The following ATP13A4 variants were observed in gnomAD, a reference collection of about 807,000 sequenced individuals.
ATP13A4 encodes the protein ATPase 13A4.
ATP13A4 carries 114 observed loss-of-function variants against 142.5 expected under a neutral mutation model. That is an observed-to-expected ratio of 0.80 (90% CI 0.69 to 0.93). The LOEUF is 0.93. ATP13A4 is among the 40% of genes least tolerant of loss of function. The pLI, the probability that ATP13A4 is intolerant of heterozygous loss-of-function variation, is 0.00. For synonymous variants in ATP13A4, 488 were observed against 514.8 expected, an observed-to-expected ratio of 0.95 and a Z score of 0.70; for missense variants, 1,392 against 1,454.0, an observed-to-expected ratio of 0.96 and a Z score of 0.69.
rs1387780760 is a variant in ATP13A4 at position 193,532,957 on chromosome 3, G to GA, written c.61-18087dup. Among the ~76,000 whole-genome samples, 10 of 151,856 alleles carry GA rather than the reference G, an allele frequency of 6.6e-5. No individual in the cohort carries two copies. In the South Asian group the frequency reaches 2.1e-3, roughly 32 times the overall value. On this transcript the variant is annotated intron_variant, in intron 1 of 29. Transcript: ENST00000342695. ...TTTATAGTTTGAGTCCAATAATGTA[G>GA]AAAAAAAGTGTGTAAGAAAAAACTT...
At position 193,454,241 on chromosome 3, in the gene ATP13A4, C is replaced by G. The variant is rs776556681; in HGVS notation, c.1916-29G>C. On this transcript the variant is annotated intron_variant, in intron 16 of 29. Transcript: ENST00000342695. ...TTTAGAAAGAAACACAGGGTTAGTA[C>G]GCAGTTATTTGCTTAGGCAGTACTG... 67 of 1,538,598 alleles carry G rather than the reference C, an allele frequency of 4.4e-5. No individual in the cohort carries two copies. In the Admixed American group the frequency reaches 1.1e-3, roughly 26 times the overall value.
chr3:193,467,777 G>A (rs1393767776), intron 9 of ATP13A4, among the ~76,000 whole-genome samples: 1 of 152,062 alleles, frequency 6.6e-6, no homozygotes, highest in Non-Finnish European at 1.5e-5. Context: ...ACTATTTAGG[G>A]AACCACAGGC....
At chr3:193,520,993 T>C (rs1577046639) in intron 1 of ATP13A4, among the ~76,000 whole-genome samples, 1 of 152,196 alleles carries the variant, frequency 6.6e-6, no homozygotes, top group Non-Finnish European at 1.5e-5. Context: ...ATGATTGCTA[T>C]GGGAAACAAT....
intron 1 of ATP13A4, among the ~76,000 whole-genome samples, chr3:193,586,663 A>G (rs1186242302): frequency 6.6e-6 from 1 of 152,242 alleles, no homozygotes; most frequent in African/African-American, 2.4e-5. Context: ...TCAAAAGCCA[A>G]TTGACTGCAG....
intron 2 of ATP13A4, among the ~76,000 whole-genome samples, chr3:193,563,866 C>G (rs893792876): frequency 6.6e-6 from 1 of 152,124 alleles, no homozygotes; most frequent in African/African-American, 2.4e-5. Flanking sequence ...CTCTGGCAAC[C>G]TCACTGTCTA....
intron 1 of ATP13A4, among the ~76,000 whole-genome samples, chr3:193,587,714 C>T (rs1444774543): frequency 6.6e-6 from 1 of 152,162 alleles, no homozygotes; most frequent in Non-Finnish European, 1.5e-5. Context: ...GTCACATCAG[C>T]TGAAAATGTT....
intron 23 of ATP13A4, 133 bp from the exon 24 acceptor site, chr3:193,435,877 C>A: frequency 1.3e-6 from 1 of 788,604 alleles, no homozygotes. Flanking sequence ...TGAAAATGGA[C>A]AGCCCTGAGC....
chr3:193,496,440 T>G (rs951886589), intron 3 of ATP13A4, among the ~76,000 whole-genome samples: 2 of 152,166 alleles, frequency 1.3e-5, no homozygotes, highest in African/African-American at 4.8e-5. Context: ...CAACTAGTTT[T>G]CAACAAAGGC....
At chr3:193,492,099 A>G (rs1719976317) in intron 5 of ATP13A4, among the ~76,000 whole-genome samples, 1 of 152,196 alleles carries the variant, frequency 6.6e-6, no homozygotes, top group South Asian at 2.1e-4. Context: ...TTTAATGTTT[A>G]TATAGATCAT....
chr3:193,562,059 T>C (rs1196940935), intron 2 of ATP13A4, among the ~76,000 whole-genome samples: 1 of 152,148 alleles, frequency 6.6e-6, no homozygotes, highest in Non-Finnish European at 1.5e-5. Context: ...TGTTTGTTCA[T>C]ATCTCATTGA....
Position 193,448,341 on chromosome 3 carries a change from A to G in ATP13A4, c.2028-11T>C, listed in dbSNP as rs775531408. Reference sequence around the variant, plus strand: ...GATTCTACCGTCTCCCTGAAAATACATATATAGATGTATTGAACAGAAATA... The same window carrying G: ...GATTCTACCGTCTCCCTGAAAATACGTATATAGATGTATTGAACAGAAATA... On this transcript the variant is annotated splice_polypyrimidine_tract_variant and intron_variant, in intron 17 of 29. Transcript: ENST00000342695. 2 of 1,613,510 alleles carry G rather than the reference A, an allele frequency of 1.2e-6. No homozygotes were observed. Among genetic ancestry groups the G allele is most frequent in the Non-Finnish European group, 1.7e-6 (2 of 1,179,920 alleles).
At chr3:193,514,675 G>A (rs902612675) in intron 2 of ATP13A4, 23 bp downstream of exon 2, 13 of 1,593,882 alleles carry the variant, frequency 8.2e-6, no homozygotes, top group Middle Eastern at 1.7e-4. Flanking sequence ...GGGCACCAGC[G>A]ACATAACCAG....
rs1553843865 is a variant in ATP13A4 at position 193,456,998 on chromosome 3, A to T, written c.1915+2T>A. 13 of 1,611,726 alleles carry T rather than the reference A, an allele frequency of 8.1e-6. No individual in the cohort carries two copies. The highest frequency in any genetic ancestry group is 1.0e-5 in the Non-Finnish European group (12 of 1,178,958). Reference sequence around the variant, plus strand: ...AGGTGTAATCCAAGTCAAGTTACAGACCTGTCTCAGGTTGGCAAAAGCTGG... The same window carrying T: ...AGGTGTAATCCAAGTCAAGTTACAGTCCTGTCTCAGGTTGGCAAAAGCTGG... On this transcript the variant is annotated splice_donor_variant, in intron 16 of 29. Transcript: ENST00000342695. LOFTEE classifies it high-confidence loss of function.
intron 26 of ATP13A4, among the ~76,000 whole-genome samples, chr3:193,413,301 C>T (rs186451570): frequency 1.2e-4 from 19 of 152,256 alleles, no homozygotes; most frequent in African/African-American, 4.6e-4. Flanking sequence ...CTGTTATCTT[C>T]GTAAGCTGAG....
chr3:193,406,414 C>G (rs1008497606), intron 29 of ATP13A4, among the ~76,000 whole-genome samples: 1 of 152,134 alleles, frequency 6.6e-6, no homozygotes, highest in Non-Finnish European at 1.5e-5. Context: ...GTTCTGTATC[C>G]CAGAGCAGAA....
chr3:193,430,574 A>G (rs1715915294), intron 25 of ATP13A4, among the ~76,000 whole-genome samples: 1 of 152,142 alleles, frequency 6.6e-6, no homozygotes, highest in African/African-American at 2.4e-5. Flanking sequence ...AAGAAGTGAC[A>G]TTTGAGCTCA....
At chr3:193,484,095 C>T (rs1719464994) in intron 7 of ATP13A4, 90 bp from the exon 8 acceptor site, 2 of 1,073,706 alleles carry the variant, frequency 1.9e-6, no homozygotes, top group East Asian at 4.8e-5. Context: ...AAAGATAGAG[C>T]ACTGTCTTAC....
intron 18 of ATP13A4, among the ~76,000 whole-genome samples, 166 bp downstream of exon 18, chr3:193,448,040 T>C (rs1001524497): frequency 2.0e-5 from 3 of 152,220 alleles, no homozygotes; most frequent in African/African-American, 7.2e-5. Flanking sequence ...TCCACTCACA[T>C]GGAAACTCAG....
chr3:193,560,151 C>T (rs996509667), intron 2 of ATP13A4, among the ~76,000 whole-genome samples: 3 of 151,912 alleles, frequency 2.0e-5, no homozygotes, highest in African/African-American at 4.8e-5. Flanking sequence ...TCACAATCTG[C>T]GAAAGCTAAA....
Sources: allele counts gnomAD v4.1 joint callset (sites outside exome capture counted in the v4.1 genomes callset), GRCh38; gene constraint gnomAD v4.1.1; transcripts MANE v1.5; gene names NCBI Gene and HGNC (gene_info 2026-07-23, HGNC 2026-07-21).